Variants in PLD5 observed in about 807,000 individuals in gnomAD.
PLD5 encodes phospholipase D family member 5.
Under a neutral mutation model 61.1 loss-of-function variants are expected in PLD5, and 36 were observed. The ratio of observed to expected loss-of-function variants is 0.59; its 90% CI spans 0.45 to 0.78. The LOEUF is 0.78. Ranked by LOEUF, PLD5 falls within the 30% of genes least tolerant of loss-of-function variation. The pLI is 0.00. For missense variants in PLD5, 515 were observed against 644.4 expected (o/e 0.80, Z 2.17); for synonymous variants, 243 against 242.8 (o/e 1.00, Z -0.01).
chr1:242,324,417 AC>A (rs1658621651), intron 2 of PLD5, among the ~76,000 whole-genome samples: 21 of 152,206 alleles, frequency 1.4e-4, no homozygotes, highest in Admixed American at 1.4e-3. Flanking sequence ...GCGTGAAATC[AC>A]CTTTGCAAAA....
intron 1 of PLD5, among the ~76,000 whole-genome samples, chr1:242,441,405 TA>T (rs1160767693): frequency 3.3e-5 from 5 of 152,128 alleles, no homozygotes; most frequent in Non-Finnish European, 5.9e-5. Flanking sequence ...TTATTAGCCC[TA>T]AATTATTTCA....
intron 5 of PLD5, among the ~76,000 whole-genome samples, chr1:242,142,416 C>T (rs1664233531): frequency 6.6e-6 from 1 of 152,192 alleles, no homozygotes; most frequent in African/African-American, 2.4e-5. Context: ...ATCTGACTTA[C>T]ATGTGGCCTG....
chr1:242,356,458 T>C (rs537881951), intron 1 of PLD5, among the ~76,000 whole-genome samples: 730 of 152,114 alleles, frequency 4.8e-3, no homozygotes, highest in Non-Finnish European at 7.9e-3. Context: ...CTGTGTTCTT[T>C]GAAAAGTGAA....
At chr1:242,311,199 TA>T (rs993405081) in intron 2 of PLD5, among the ~76,000 whole-genome samples, 4 of 152,140 alleles carry the variant, frequency 2.6e-5, no homozygotes, top group East Asian at 1.9e-4. Flanking sequence ...CACAAATGAC[TA>T]AAAAAAAGTT....
intron 5 of PLD5, among the ~76,000 whole-genome samples, chr1:242,131,764 T>C (rs1663271915): frequency 6.6e-6 from 1 of 151,932 alleles, no homozygotes. Context: ...CTAGGTGTTT[T>C]GGGTTTCAAA....
At chr1:242,236,064 G>A (rs185688994) in intron 4 of PLD5, 2 of 152,246 alleles carry the variant, frequency 1.3e-5, no homozygotes, top group African/African-American at 2.4e-5. Flanking sequence ...GAGCCTTCTT[G>A]GATAGGATTA....
chr1:242,419,572 AT>A (rs767869905), intron 1 of PLD5, among the ~76,000 whole-genome samples: 47 of 97,088 alleles, frequency 4.8e-4, no homozygotes, highest in South Asian at 1.4e-3. Flanking sequence ...AATTTTTTGC[AT>A]TTTTTTTTTT....
At chr1:242,214,448 A>T (rs745834604) in intron 5 of PLD5, among the ~76,000 whole-genome samples, 3 of 152,198 alleles carry the variant, frequency 2.0e-5, no homozygotes, top group Non-Finnish European at 4.4e-5. Context: ...AGCAATTGCT[A>T]GATCAACGTA....
At chr1:242,499,894 C>G (rs760827252) in intron 1 of PLD5, among the ~76,000 whole-genome samples, 16 of 152,158 alleles carry the variant, frequency 1.1e-4, no homozygotes, top group Non-Finnish European at 2.1e-4. Context: ...CAGGAATCAT[C>G]TACAGGCCTT....
At chr1:242,426,762 G>C (rs958115637) in intron 1 of PLD5, among the ~76,000 whole-genome samples, 1 of 152,104 alleles carries the variant, frequency 6.6e-6, no homozygotes, top group Non-Finnish European at 1.5e-5. Context: ...TAGATCATTG[G>C]GGCAGAGACT....
rs181593405 is a variant in PLD5 at position 242,513,036 on chromosome 1, C to T, written c.189+11052G>A. Among the ~76,000 whole-genome samples, 59 of 152,040 alleles carry T rather than the reference C, an allele frequency of 3.9e-4. No homozygotes were observed. The East Asian group carries it at 9.3e-3, about 24-fold the overall frequency. On this transcript the variant is annotated intron_variant, in intron 1 of 9. Transcript: ENST00000536534. ...ACAGGCATATAGACACGTGCTACCA[C>T]GCCTGGCTAATTTTTTAATTTTTTG...
intron 2 of PLD5, among the ~76,000 whole-genome samples, chr1:242,328,096 CA>C (rs1270580248): frequency 7.9e-5 from 12 of 151,440 alleles, no homozygotes; most frequent in Admixed American, 7.9e-4. Flanking sequence ...AAAACAAAAG[CA>C]AAAAAAACTT....
At chr1:242,503,690 T>C (rs6669450) in intron 1 of PLD5, among the ~76,000 whole-genome samples, 13,544 of 152,120 alleles carry the variant, frequency 0.089, 1,543 homozygotes, top group African/African-American at 0.27. Context: ...TGGCCAATGA[T>C]GGTGAGTGCA....
intron 1 of PLD5, among the ~76,000 whole-genome samples, chr1:242,472,146 A>C (rs982024013): frequency 2.5e-4 from 38 of 152,206 alleles, no homozygotes; most frequent in African/African-American, 8.9e-4. Flanking sequence ...GTTTGCATTT[A>C]AATTGGACTT....
chr1:242,208,241 G>C (rs78330458), intron 5 of PLD5, among the ~76,000 whole-genome samples: 22,191 of 151,458 alleles, frequency 0.15, 1,857 homozygotes, highest in Non-Finnish European at 0.19. Flanking sequence ...AGCTCACCCC[G>C]CTCACTCATC....
chr1:242,442,793 A>G (rs1485100915), intron 1 of PLD5, among the ~76,000 whole-genome samples: 2 of 152,232 alleles, frequency 1.3e-5, no homozygotes, highest in African/African-American at 4.8e-5. Flanking sequence ...TGCAGTATTT[A>G]ATTTTCAGTA....
chr1:242,374,500 C>T (rs1252562654), intron 1 of PLD5, among the ~76,000 whole-genome samples: 1 of 152,144 alleles, frequency 6.6e-6, no homozygotes, highest in Non-Finnish European at 1.5e-5. Context: ...CATTCTCCCC[C>T]AGGGCTTGTC....
At chr1:242,181,695 A>C (rs564636284) in intron 5 of PLD5, among the ~76,000 whole-genome samples, 12 of 151,568 alleles carry the variant, frequency 7.9e-5, no homozygotes, top group African/African-American at 2.9e-4. Flanking sequence ...ACAGAGTCTC[A>C]CTCTGTCACC....
intron 5 of PLD5, among the ~76,000 whole-genome samples, chr1:242,172,122 G>A (rs316884): frequency 0.84 from 127,794 of 152,228 alleles, 54,128 homozygotes; most frequent in African/African-American, 0.95. Flanking sequence ...AATTGACCAC[G>A]TAATTGAAGG....
Sources: allele counts gnomAD v4.1 joint callset (sites outside exome capture counted in the v4.1 genomes callset), GRCh38; gene constraint gnomAD v4.1.1; transcripts MANE v1.5; gene names NCBI Gene and HGNC (gene_info 2026-07-23, HGNC 2026-07-21).